The following ZFPM2 variants were observed in gnomAD, a reference collection of about 807,000 sequenced individuals.
ZFPM2 encodes zinc finger protein, FOG family member 2, also known as zinc finger protein ZFPM2.
A neutral mutation model predicts 98.6 loss-of-function variants in ZFPM2; 20 were observed. That is an observed-to-expected ratio of 0.20 (90% confidence interval 0.14 to 0.29). The LOEUF (loss-of-function observed/expected upper bound fraction) is 0.29. Among genes scored for constraint, ZFPM2 ranks in the 10% least tolerant of loss-of-function variants. The pLI, the probability that ZFPM2 is intolerant of heterozygous loss-of-function variation, is 1.00. For missense variants in ZFPM2, 1,310 were observed against 1,388.6 expected (o/e 0.94, Z 0.90); for synonymous variants, 518 against 502.7 (o/e 1.03, Z -0.41).
intron 5 of ZFPM2, among the ~76,000 whole-genome samples, chr8:105,679,963 A>G (rs1308641742): frequency 6.6e-6 from 1 of 152,164 alleles, no homozygotes; most frequent in African/African-American, 2.4e-5. Flanking sequence ...CCAACATTTC[A>G]AAACTTGATG....
intron 1 of ZFPM2, among the ~76,000 whole-genome samples, chr8:105,352,587 G>GTT (rs111360013): frequency 3.1e-4 from 44 of 141,220 alleles, no homozygotes; most frequent in African/African-American, 9.5e-4. Context: ...CCATTTTACC[G>GTT]TTTTTTTTTT....
At chr8:105,389,362 T>C (rs1811064131) in intron 1 of ZFPM2, among the ~76,000 whole-genome samples, 1 of 151,936 alleles carries the variant, frequency 6.6e-6, no homozygotes, top group Non-Finnish European at 1.5e-5. Flanking sequence ...GAAGCACTCA[T>C]ATAAAGGGTT....
intron 4 of ZFPM2, among the ~76,000 whole-genome samples, chr8:105,565,231 T>C (rs2130707723): frequency 6.6e-6 from 1 of 152,262 alleles, no homozygotes; most frequent in East Asian, 1.9e-4. Context: ...CATTTAGATG[T>C]ATATAGAACA....
chr8:105,336,477 T>G (rs1421974188), intron 1 of ZFPM2, among the ~76,000 whole-genome samples: 1 of 151,796 alleles, frequency 6.6e-6, no homozygotes, highest in Non-Finnish European at 1.5e-5. Flanking sequence ...TTGACAAATA[T>G]TTAAATGAAG....
intron 5 of ZFPM2, among the ~76,000 whole-genome samples, chr8:105,718,329 C>A (rs949927300): frequency 6.6e-6 from 1 of 151,876 alleles, no homozygotes; most frequent in African/African-American, 2.4e-5. Flanking sequence ...ATGCCAGTTT[C>A]TTCTGTCTGA....
chr8:105,749,057 C>T (rs1812415911), intron 5 of ZFPM2, among the ~76,000 whole-genome samples: 1 of 152,016 alleles, frequency 6.6e-6, no homozygotes, highest in African/African-American at 2.4e-5. Flanking sequence ...TTTATTAACT[C>T]ACTTTCCTTT....
chr8:105,685,552 C>G (rs764596492), intron 5 of ZFPM2, among the ~76,000 whole-genome samples: 1 of 151,862 alleles, frequency 6.6e-6, no homozygotes, highest in Non-Finnish European at 1.5e-5. Flanking sequence ...TTTTATGACA[C>G]TTTATGAGGA....
chr8:105,802,851 G>A lies in ZFPM2; in HGVS notation c.2769G>A (p.Lys923=). The A allele has an allele frequency of 1.2e-6, 2 of 1,613,714 alleles. No individual in the cohort carries two copies. Among genetic ancestry groups the A allele is most frequent in the Non-Finnish European group, 1.7e-6 (2 of 1,179,830 alleles). Residue 923 remains lysine, a synonymous_variant, in exon 8 of 8, where the codon AAG becomes AAA. Coordinates refer to ENST00000407775, the MANE Select transcript of ZFPM2 (RefSeq NM_012082.4). ...IIKCEKNGNL[K]QPSPNGNLFS... is the part of the protein sequence containing the mutation. ...AATGTGAGAAAAATGGGAATTTGAA[G>A]CAGCCTTCCCCCAATGGAAACTTAT...
At chr8:105,666,256 A>G (rs866132988) in intron 5 of ZFPM2, among the ~76,000 whole-genome samples, 25 of 152,078 alleles carry the variant, frequency 1.6e-4, no homozygotes, top group Admixed American at 3.3e-4. Context: ...CAAAGAAAGA[A>G]ATTAATAAAA....
intron 5 of ZFPM2, among the ~76,000 whole-genome samples, chr8:105,708,733 C>T (rs1244019628): frequency 1.3e-5 from 2 of 152,108 alleles, no homozygotes; most frequent in Admixed American, 6.5e-5. Flanking sequence ...CATGAGTCAC[C>T]GTGCCTGGCC....
At chr8:105,338,385 A>C (rs767106631) in intron 1 of ZFPM2, among the ~76,000 whole-genome samples, 1 of 151,866 alleles carries the variant, frequency 6.6e-6, no homozygotes, top group Non-Finnish European at 1.5e-5. Context: ...GTAGAAACTT[A>C]GTCATTTAGA....
At chr8:105,710,352 G>A (rs1348175144) in intron 5 of ZFPM2, among the ~76,000 whole-genome samples, 1 of 152,074 alleles carries the variant, frequency 6.6e-6, no homozygotes, top group Non-Finnish European at 1.5e-5. Context: ...TGAATTAGAA[G>A]GAGGGGGATA....
intron 3 of ZFPM2, among the ~76,000 whole-genome samples, chr8:105,501,073 A>G (rs6988664): frequency 0.37 from 56,220 of 152,100 alleles, 12,230 homozygotes; most frequent in African/African-American, 0.61. Context: ...TCACTATAAC[A>G]GTTCCAATTT....
At position 105,774,279 on chromosome 8, in the gene ZFPM2, ATTAC is replaced by A. The variant is rs373859635; in HGVS notation, c.533-14435_533-14432del. Among the ~76,000 whole-genome samples, 342 of 152,338 alleles carry A rather than the reference ATTAC, an allele frequency of 2.2e-3. 1 individual carries two copies. The highest frequency in any genetic ancestry group is 7.9e-3 in the African/African-American group (327 of 41,590). The stretch of plus-strand genomic sequence containing the variant: ...TAACCGTAGATTGTAAAGAAAAATA[ATTAC>A]TTATGCAGAATCTCTTAGAAAAATG... On this transcript the variant is annotated intron_variant, in intron 5 of 7. Coordinates refer to ENST00000407775, the MANE Select transcript of ZFPM2 (RefSeq NM_012082.4).
intron 5 of ZFPM2, among the ~76,000 whole-genome samples, chr8:105,740,639 C>T (rs533177482): frequency 5.3e-5 from 8 of 149,780 alleles, no homozygotes; most frequent in East Asian, 2.0e-4. Flanking sequence ...ATAAGAAATA[C>T]GGTAAAAATT....
chr8:105,797,330 T>G (rs762801138), intron 6 of ZFPM2: 4 of 152,150 alleles, frequency 2.6e-5, no homozygotes, highest in Non-Finnish European at 5.9e-5. Flanking sequence ...GGTACCAGTA[T>G]TAGCTACAGC....
intron 5 of ZFPM2, among the ~76,000 whole-genome samples, chr8:105,647,270 T>C (rs944367734): frequency 6.6e-6 from 1 of 152,214 alleles, no homozygotes; most frequent in African/African-American, 2.4e-5. Flanking sequence ...CCTTGTTTTC[T>C]TCTTTACTGT....
chr8:105,691,686 A>G (rs184477744), intron 5 of ZFPM2, among the ~76,000 whole-genome samples: 4 of 152,152 alleles, frequency 2.6e-5, no homozygotes, highest in African/African-American at 9.6e-5. Context: ...ATGTTAGTTT[A>G]GTTTCTTCTT....
chr8:105,797,611 C>T (rs16873702), intron 6 of ZFPM2, among the ~76,000 whole-genome samples: 12,991 of 152,206 alleles, frequency 0.085, 1,817 homozygotes, highest in African/African-American at 0.29. Context: ...TATCATGCTC[C>T]GTGCCTCAAC....
Sources: gnomAD v4.1 joint callset for allele counts (sites outside exome capture counted in the v4.1 genomes callset) on GRCh38, gnomAD v4.1.1 for gene constraint, MANE v1.5 for transcripts, NCBI Gene and HGNC (gene_info 2026-07-23, HGNC 2026-07-21) for gene names.